OCA2: variants seen among roughly 807,000 people sequenced by gnomAD.
The protein encoded by OCA2 is P protein.
OCA2 carries 77 observed loss-of-function variants against 100.2 expected under a neutral mutation model. That is an observed-to-expected ratio of 0.77 (90% CI 0.64 to 0.93). OCA2 has a LOEUF of 0.93. Among genes scored for constraint, OCA2 ranks in the 40% least tolerant of loss-of-function variants. The pLI is 0.00. For missense variants in OCA2, 1,062 were observed against 1,089.1 expected (o/e 0.98, Z 0.35); for synonymous variants, 432 against 439.2 (o/e 0.98, Z 0.21).
intron 23 of OCA2, among the ~76,000 whole-genome samples, chr15:27,784,102 C>G (rs1566960613): frequency 6.6e-6 from 1 of 152,214 alleles, no homozygotes; most frequent in Non-Finnish European, 1.5e-5. Context: ...ACCAGGTGAA[C>G]AAGTGTCCAG....
intron 21 of OCA2, among the ~76,000 whole-genome samples, chr15:27,857,719 T>C (rs1567029267): frequency 6.6e-6 from 1 of 151,794 alleles, no homozygotes; most frequent in African/African-American, 2.4e-5. Context: ...TACCAACATA[T>C]GCATTATAGG....
intron 23 of OCA2, among the ~76,000 whole-genome samples, chr15:27,812,033 C>T (rs903453822): frequency 1.3e-5 from 2 of 152,130 alleles, no homozygotes; most frequent in Admixed American, 1.3e-4. Flanking sequence ...TGGATTTGTG[C>T]ATTCCATAAA....
chr15:27,847,303 A>G (rs2035573759), intron 22 of OCA2, among the ~76,000 whole-genome samples: 1 of 152,194 alleles, frequency 6.6e-6, no homozygotes, highest in Non-Finnish European at 1.5e-5. Context: ...AGCTGGTGCT[A>G]GGCCTGCTAC....
chr15:27,806,246 C>T (rs998161857), intron 23 of OCA2, among the ~76,000 whole-genome samples: 2 of 152,160 alleles, frequency 1.3e-5, no homozygotes, highest in Admixed American at 6.5e-5. Flanking sequence ...TAGGCTTACA[C>T]TAAAAAGAAG....
At chr15:27,937,049 C>T (rs896055683) in intron 18 of OCA2, among the ~76,000 whole-genome samples, 2 of 152,154 alleles carry the variant, frequency 1.3e-5, no homozygotes, top group Non-Finnish European at 2.9e-5. Context: ...ACATTCTCTG[C>T]CCCAGAGGCT....
intron 18 of OCA2, among the ~76,000 whole-genome samples, chr15:27,945,262 A>T (rs914985187): frequency 6.6e-6 from 1 of 152,124 alleles, no homozygotes; most frequent in Non-Finnish European, 1.5e-5. Flanking sequence ...ACCTGCTCAG[A>T]ATTTCCTGTG....
intron 23 of OCA2, among the ~76,000 whole-genome samples, chr15:27,808,267 C>T (rs1286539125): frequency 6.6e-6 from 1 of 152,212 alleles, no homozygotes; most frequent in Admixed American, 6.5e-5. Context: ...GGCATGAATG[C>T]CCAGAACAGC....
chr15:28,021,621 C>T (rs899261211), intron 6 of OCA2, among the ~76,000 whole-genome samples: 6 of 152,192 alleles, frequency 3.9e-5, no homozygotes, highest in Non-Finnish European at 8.8e-5. Flanking sequence ...CCCCAGCGGA[C>T]GCTCCCCAGG....
chr15:27,833,259 G>C (rs2035030575), intron 23 of OCA2, among the ~76,000 whole-genome samples: 2 of 152,344 alleles, frequency 1.3e-5, no homozygotes, highest in South Asian at 4.1e-4. Flanking sequence ...TTTAGGCCAA[G>C]CTTCCTTTAC....
chr15:27,808,595 A>C (rs991219521), intron 23 of OCA2, among the ~76,000 whole-genome samples: 3 of 152,166 alleles, frequency 2.0e-5, no homozygotes, highest in African/African-American at 7.2e-5. Context: ...CTGACATTCT[A>C]TGACTCGGAG....
intron 23 of OCA2, among the ~76,000 whole-genome samples, chr15:27,822,475 A>T (rs2034543663): frequency 6.6e-6 from 1 of 152,158 alleles, no homozygotes; most frequent in African/African-American, 2.4e-5. Context: ...CATGCAAATG[A>T]ATCTTTCAGG....
chr15:28,047,078 T>C (rs2043369671), intron 2 of OCA2, among the ~76,000 whole-genome samples: 1 of 152,024 alleles, frequency 6.6e-6, no homozygotes. Flanking sequence ...CTCTCTTTGG[T>C]CAGGCCCTGA....
At chr15:27,966,588 G>C in intron 15 of OCA2, 102 bp downstream of exon 15, 1 of 1,336,582 alleles carries the variant, frequency 7.5e-7, no homozygotes, top group South Asian at 1.2e-5. Context: ...TGAGCATCCA[G>C]CAACCCATCA....
chr15:27,788,749 T>C (rs1411376309), intron 23 of OCA2, among the ~76,000 whole-genome samples: 1 of 152,140 alleles, frequency 6.6e-6, no homozygotes, highest in African/African-American at 2.4e-5. Context: ...ATCTGCTATT[T>C]TGCTGTTTTC....
At chr15:28,008,532 C>A (rs567560091) in intron 9 of OCA2, among the ~76,000 whole-genome samples, 1 of 152,260 alleles carries the variant, frequency 6.6e-6, no homozygotes, top group African/African-American at 2.4e-5. Context: ...AAAACAAATA[C>A]AAAATGTGAG....
intron 2 of OCA2, among the ~76,000 whole-genome samples, chr15:28,035,487 G>A (rs953117183): frequency 6.6e-6 from 1 of 152,194 alleles, no homozygotes; most frequent in Admixed American, 6.5e-5. Context: ...CAGATCACAT[G>A]TAGAGAAGAT....
At chr15:28,029,909 C>T (rs187785595) in intron 3 of OCA2, among the ~76,000 whole-genome samples, 6 of 152,262 alleles carry the variant, frequency 3.9e-5, no homozygotes, top group Admixed American at 1.3e-4. Context: ...TGTTCTACTC[C>T]CTTGAAATGG....
chr15:27,789,953 A>G (rs1000662439), intron 23 of OCA2, among the ~76,000 whole-genome samples: 16 of 152,220 alleles, frequency 1.1e-4, no homozygotes. Flanking sequence ...ACTGAACTTT[A>G]TCAGAGCTTA....
chr15:27,848,464 T>C (rs60628917), intron 22 of OCA2, among the ~76,000 whole-genome samples: 14,812 of 152,168 alleles, frequency 0.097, 1,665 homozygotes, highest in African/African-American at 0.26. Flanking sequence ...AGGCCCCAGG[T>C]GTCACTTCCC....
Sources: allele counts gnomAD v4.1 joint callset (sites outside exome capture counted in the v4.1 genomes callset), GRCh38; gene constraint gnomAD v4.1.1; transcripts MANE v1.5; gene names NCBI Gene and HGNC (gene_info 2026-07-23, HGNC 2026-07-21).